The following COX7B2 variants were observed in gnomAD, a reference collection of about 807,000 sequenced individuals.
COX7B2 encodes the protein cytochrome c oxidase subunit 7B2, mitochondrial.
For missense variants in COX7B2, 109 were observed against 95.9 expected, an observed-to-expected ratio of 1.14 and a Z score of -0.57; for synonymous variants, 37 against 32.1, an observed-to-expected ratio of 1.15 and a Z score of -0.51.
intron 2 of COX7B2, among the ~76,000 whole-genome samples, chr4:46,763,347 T>C (rs1421913545): frequency 1.3e-5 from 2 of 150,522 alleles, no homozygotes; most frequent in African/African-American, 4.9e-5. Context: ...TTCTCATGTT[T>C]GTGTATGTGT....
At chr4:46,843,992 T>A (rs1716106748) in intron 2 of COX7B2, among the ~76,000 whole-genome samples, 1 of 152,024 alleles carries the variant, frequency 6.6e-6, no homozygotes, top group Admixed American at 6.6e-5. Context: ...TTATTTTGCT[T>A]ATATTTGCAA....
intron 2 of COX7B2, among the ~76,000 whole-genome samples, chr4:46,824,702 C>T (rs1714556499): frequency 6.8e-6 from 1 of 147,450 alleles, no homozygotes; most frequent in Admixed American, 6.8e-5. Flanking sequence ...TAGGCTTCAT[C>T]ACCAAATGCA....
At chr4:46,897,787 C>T (rs181101518) in intron 1 of COX7B2, among the ~76,000 whole-genome samples, 1 of 152,262 alleles carries the variant, frequency 6.6e-6, no homozygotes, top group Non-Finnish European at 1.5e-5. Flanking sequence ...GATCAGGTCC[C>T]CCACTAAACA....
chr4:46,770,721 T>C (rs1315571321), intron 2 of COX7B2, among the ~76,000 whole-genome samples: 1 of 152,112 alleles, frequency 6.6e-6, no homozygotes, highest in East Asian at 1.9e-4. Context: ...TCACATAAAA[T>C]GATGAAATGA....
chr4:46,865,661 A>G (rs1414774024), intron 1 of COX7B2, among the ~76,000 whole-genome samples: 2 of 152,166 alleles, frequency 1.3e-5, no homozygotes, highest in Non-Finnish European at 2.9e-5. Context: ...CCCAGACATC[A>G]TGCTGCCTCT....
intron 1 of COX7B2, among the ~76,000 whole-genome samples, chr4:46,866,461 A>G (rs1717677439): frequency 6.6e-6 from 1 of 152,208 alleles, no homozygotes; most frequent in Non-Finnish European, 1.5e-5. Context: ...TTTGTATATC[A>G]AAAACTTGTA....
intron 2 of COX7B2, among the ~76,000 whole-genome samples, chr4:46,777,487 T>A (rs970229469): frequency 1.3e-5 from 2 of 151,768 alleles, no homozygotes; most frequent in East Asian, 3.9e-4. Flanking sequence ...AATTATCCAG[T>A]GGAGAGAGAG....
intron 2 of COX7B2, among the ~76,000 whole-genome samples, chr4:46,831,772 C>G (rs960040095): frequency 6.6e-6 from 1 of 152,164 alleles, no homozygotes; most frequent in Non-Finnish European, 1.5e-5. Flanking sequence ...CACCAATCAG[C>G]ACTCTGTGTC....
chr4:46,878,399 C>T (rs1470092030), intron 1 of COX7B2, among the ~76,000 whole-genome samples: 1 of 150,604 alleles, frequency 6.6e-6, no homozygotes, highest in Non-Finnish European at 1.5e-5. Flanking sequence ...TTTAGGTGCT[C>T]TTACCATAAA....
At chr4:46,876,243 T>C (rs1391815491) in intron 1 of COX7B2, among the ~76,000 whole-genome samples, 2 of 152,066 alleles carry the variant, frequency 1.3e-5, no homozygotes, top group Non-Finnish European at 2.9e-5. Context: ...ATGGGGCAAA[T>C]CTATGTGCTC....
At chr4:46,817,921 A>C (rs1438258773) in intron 2 of COX7B2, among the ~76,000 whole-genome samples, 1 of 152,200 alleles carries the variant, frequency 6.6e-6, no homozygotes, top group Non-Finnish European at 1.5e-5. Flanking sequence ...TAAATCTTTG[A>C]ACCTACGCAT....
intron 2 of COX7B2, among the ~76,000 whole-genome samples, chr4:46,835,498 A>G (rs148090833): frequency 1.5e-4 from 23 of 152,224 alleles, no homozygotes; most frequent in Non-Finnish European, 3.1e-4. Context: ...GTGGAAGAAG[A>G]GTCTGACGGC....
At position 46,772,168 on chromosome 4, in the gene COX7B2, T is replaced by C. The variant is rs143570805; in HGVS notation, c.-49-36927A>G. ...ATATGGATGAACCTGGAGTACATTA[T>C]GCTAAGTGCAATAAACCAGGCACAG... On this transcript the variant is annotated intron_variant, in intron 2 of 2. Coordinates refer to ENST00000355591, the MANE Select transcript of COX7B2 (RefSeq NM_130902.3). 4.2e-3 allele frequency among the ~76,000 whole-genome samples: 643 copies of C among 152,230 alleles called. 7 individuals are homozygous for C. The highest frequency in any genetic ancestry group is 0.015 in the African/African-American group (619 of 41,552).
At chr4:46,894,937 T>A (rs1343619955) in intron 1 of COX7B2, among the ~76,000 whole-genome samples, 2 of 152,178 alleles carry the variant, frequency 1.3e-5, no homozygotes, top group African/African-American at 2.4e-5. Context: ...TAAGATAGCA[T>A]CTCACACCAG....
intron 2 of COX7B2, among the ~76,000 whole-genome samples, chr4:46,741,891 A>G (rs1714737243): frequency 6.6e-6 from 1 of 152,164 alleles, no homozygotes; most frequent in Non-Finnish European, 1.5e-5. Context: ...AATTCTCAGG[A>G]GAGTTTTATC....
intron 2 of COX7B2, among the ~76,000 whole-genome samples, chr4:46,809,177 C>T (rs562039420): frequency 6.6e-6 from 1 of 151,784 alleles, no homozygotes; most frequent in Admixed American, 6.6e-5. Context: ...TCTCATTCAT[C>T]TTTGGTTTCA....
intron 1 of COX7B2, among the ~76,000 whole-genome samples, chr4:46,895,776 C>G (rs1577710535): frequency 6.6e-6 from 1 of 152,064 alleles, no homozygotes; most frequent in Admixed American, 6.6e-5. Context: ...AGGCCCCCCC[C>G]AAATTGTATA....
At chr4:46,843,320 TATA>T (rs1485331343) in intron 2 of COX7B2, among the ~76,000 whole-genome samples, 1 of 152,056 alleles carries the variant, frequency 6.6e-6, no homozygotes, top group Non-Finnish European at 1.5e-5. Context: ...ATATCTGGCA[TATA>T]ATAAGTTTTA....
intron 1 of COX7B2, among the ~76,000 whole-genome samples, chr4:46,862,370 A>G (rs187682574): frequency 1.6e-4 from 24 of 152,302 alleles, no homozygotes; most frequent in Admixed American, 1.3e-3. Flanking sequence ...CTATCTTATG[A>G]CTAGAATTCT....
Sources: gnomAD v4.1 joint callset for allele counts (sites outside exome capture counted in the v4.1 genomes callset) on GRCh38, gnomAD v4.1.1 for gene constraint, MANE v1.5 for transcripts, NCBI Gene and HGNC (gene_info 2026-07-23, HGNC 2026-07-21) for gene names.